Variants in GALNT9 observed in about 807,000 individuals in gnomAD.
GALNT9 encodes the protein GalNAc transferase 9.
In GALNT9, 47 loss-of-function variants were observed where a neutral mutation model predicts 63.1. That is an observed-to-expected ratio of 0.75 (90% confidence interval 0.59 to 0.95). GALNT9 has a LOEUF of 0.95. GALNT9 is among the 40% of genes least tolerant of loss of function. The pLI is 0.00. For synonymous variants in GALNT9, 396 were observed against 365.7 expected (o/e 1.08, Z -0.94); for missense variants, 829 against 874.8 (o/e 0.95, Z 0.66).
intron 6 of GALNT9, among the ~76,000 whole-genome samples, chr12:132,216,955 G>T (rs557208777): frequency 1.3e-5 from 2 of 152,214 alleles, no homozygotes; most frequent in East Asian, 3.9e-4. Flanking sequence ...TTTCCTTTTG[G>T]GTGTTGTGAT....
intron 2 of GALNT9, among the ~76,000 whole-genome samples, chr12:132,268,642 C>T (rs1555240451): frequency 6.6e-6 from 1 of 152,258 alleles, no homozygotes; most frequent in Non-Finnish European, 1.5e-5. Context: ...ACTTTCAAAG[C>T]ACGCATCTGA....
chr12:132,328,045 G>A (rs928120204), intron 1 of GALNT9, among the ~76,000 whole-genome samples: 2 of 152,184 alleles, frequency 1.3e-5, no homozygotes. Flanking sequence ...GGCACGGAAC[G>A]GAAAGCCACA....
chr12:132,291,661 C>G (rs1435389921), intron 1 of GALNT9, among the ~76,000 whole-genome samples: 1 of 143,830 alleles, frequency 7.0e-6, no homozygotes, highest in African/African-American at 2.5e-5. Context: ...CAGGTCCACA[C>G]CGCCCACATC....
chr12:132,254,758 G>C (rs1331930665), intron 5 of GALNT9, among the ~76,000 whole-genome samples: 2 of 152,146 alleles, frequency 1.3e-5, no homozygotes, highest in Non-Finnish European at 2.9e-5. Context: ...AGTCCTCTTG[G>C]TCTGTCCCTA....
At chr12:132,304,239 C>G (rs1459945459) in intron 1 of GALNT9, among the ~76,000 whole-genome samples, 1 of 48,148 alleles carries the variant, frequency 2.1e-5, no homozygotes, top group Admixed American at 2.3e-4. Flanking sequence ...CGGGGCACAC[C>G]CTCACCCAGA....
chr12:132,286,473 C>G lies in GALNT9; in HGVS notation c.239-43G>C, dbSNP rs781805795. 6.6e-7 allele frequency: 1 copy of G among 1,519,410 alleles called. No homozygotes were observed. Among genetic ancestry groups the G allele is most frequent in the Non-Finnish European group, 8.8e-7 (1 of 1,132,502 alleles). The allele number at this position is 1,519,410 out of a possible 1,614,324, so 94.1% of individuals were successfully genotyped here. The stretch of plus-strand genomic sequence containing the variant: ...AGGGAGGTCAGGCAGGCCCAGGACA[C>G]GCTGCGTCTGCACCCAGGAGACGCC... On this transcript the variant is annotated intron_variant, in intron 1 of 10. Coordinates refer to ENST00000328957, the MANE Select transcript of GALNT9 (RefSeq NM_001122636.2). This position sits in a 1 kb window ranked among gnomAD's most constrained non-coding sequence, Gnocchi z 7.4.
At chr12:132,222,450 T>C (rs1299240613) in intron 6 of GALNT9, among the ~76,000 whole-genome samples, 1 of 152,198 alleles carries the variant, frequency 6.6e-6, no homozygotes, top group East Asian at 1.9e-4. Context: ...TACTAATTCC[T>C]GTGTATCAAA....
chr12:132,227,850 C>T (rs1239752599), intron 6 of GALNT9, among the ~76,000 whole-genome samples: 4 of 152,004 alleles, frequency 2.6e-5, no homozygotes, highest in Non-Finnish European at 5.9e-5. Flanking sequence ...TCGTGCTCAG[C>T]GGGGCTTCCC....
chr12:132,284,151 GCACGCA>G (rs1445021149), intron 2 of GALNT9: 1 of 147,806 alleles, frequency 6.8e-6, no homozygotes, highest in African/African-American at 2.5e-5. Flanking sequence ...CCACGCACAT[GCACGCA>G]CACGCACGTA....
chr12:132,295,279 G>A (rs1273863925), intron 1 of GALNT9, among the ~76,000 whole-genome samples: 5 of 152,208 alleles, frequency 3.3e-5, no homozygotes, highest in African/African-American at 4.8e-5. Flanking sequence ...CAGGGAAGGA[G>A]AGGCCCAGCG....
At chr12:132,295,276 G>A (rs571916297) in intron 1 of GALNT9, among the ~76,000 whole-genome samples, 1 of 152,338 alleles carries the variant, frequency 6.6e-6, no homozygotes, top group Admixed American at 6.5e-5. Context: ...AGGCAGGGAA[G>A]GAGAGGCCCA....
At chr12:132,258,230 C>T (rs782123355) in intron 4 of GALNT9, among the ~76,000 whole-genome samples, 19 of 152,188 alleles carry the variant, frequency 1.2e-4, no homozygotes, top group Non-Finnish European at 2.4e-4. Flanking sequence ...CTCCCCAGCT[C>T]GGTCTCCCTC....
At chr12:132,235,344 C>T (rs1215196534) in intron 6 of GALNT9, among the ~76,000 whole-genome samples, 1 of 152,112 alleles carries the variant, frequency 6.6e-6, no homozygotes, top group Non-Finnish European at 1.5e-5. Flanking sequence ...GACTGGGAAT[C>T]AGGCAGCTTC....
At chr12:132,241,089 G>T (rs1227624037) in intron 6 of GALNT9, among the ~76,000 whole-genome samples, 5 of 122,062 alleles carry the variant, frequency 4.1e-5, no homozygotes, top group Non-Finnish European at 7.1e-5. Flanking sequence ...ACCCTTCCCG[G>T]GGCCCTCCCT....
At chr12:132,210,212 GGA>G (rs1876893727) in intron 6 of GALNT9, among the ~76,000 whole-genome samples, 1 of 152,258 alleles carries the variant, frequency 6.6e-6, no homozygotes, top group East Asian at 1.9e-4. Context: ...AGGAGAGACA[GGA>G]GAGGGGCCCT....
At chr12:132,267,199 G>A (rs1348708018) in intron 2 of GALNT9, among the ~76,000 whole-genome samples, 3 of 127,340 alleles carry the variant, frequency 2.4e-5, no homozygotes, top group African/African-American at 1.6e-4. Context: ...ATGAGGGCAG[G>A]GAAGGAGGCA....
At position 132,248,415 on chromosome 12, in the gene GALNT9, G is replaced by A. The variant is rs562093774; in HGVS notation, c.960-388C>T. ...CTGGAGCCTGGGAATTGAGGCTGCAGTGAGCTGGTATTGCACCACTACACT... is the reference window on the plus strand; with the variant it reads ...CTGGAGCCTGGGAATTGAGGCTGCAATGAGCTGGTATTGCACCACTACACT... On this transcript the variant is annotated intron_variant, in intron 5 of 10. Coordinates refer to ENST00000328957, the MANE Select transcript of GALNT9 (RefSeq NM_001122636.2). Among the ~76,000 whole-genome samples the A allele has an allele frequency of 1.2e-3, 190 of 152,338 alleles. 1 individual carries two copies. Among genetic ancestry groups the A allele is most frequent in the African/African-American group, 4.4e-3 (182 of 41,578 alleles).
chr12:132,266,452 A>G (rs188465135), intron 2 of GALNT9, among the ~76,000 whole-genome samples: 22 of 152,372 alleles, frequency 1.4e-4, no homozygotes, highest in African/African-American at 4.8e-4. Context: ...CCTAAATCCA[A>G]CGACGGTGTC....
intron 8 of GALNT9, among the ~76,000 whole-genome samples, chr12:132,199,622 CA>C (rs1875842836): frequency 6.6e-6 from 1 of 152,176 alleles, no homozygotes; most frequent in African/African-American, 2.4e-5. Flanking sequence ...GACCGCTCGC[CA>C]GCCTTGCAGT....
Sources: allele counts gnomAD v4.1 joint callset (sites outside exome capture counted in the v4.1 genomes callset), GRCh38; gene constraint gnomAD v4.1.1; non-coding constraint Gnocchi (gnomAD v3.1); transcripts MANE v1.5; gene names NCBI Gene and HGNC (gene_info 2026-07-23, HGNC 2026-07-21).